Variants in NRG2 observed in about 807,000 individuals in gnomAD.
NRG2 encodes neuregulin 2, also known as pro-neuregulin-2, membrane-bound isoform.
Under a neutral mutation model 73.9 loss-of-function variants are expected in NRG2, and 27 were observed. That is an observed-to-expected ratio of 0.37 (90% CI 0.27 to 0.50). NRG2 has a LOEUF of 0.50. NRG2 is among the 20% of genes least tolerant of loss of function. NRG2 has a pLI of 0.96. For missense variants in NRG2, 1,126 were observed against 1,210.1 expected, an observed-to-expected ratio of 0.93 and a Z score of 1.03; for synonymous variants, 532 against 541.0, an observed-to-expected ratio of 0.98 and a Z score of 0.23.
chr5:140,007,005 T>G (rs1156930769), intron 1 of NRG2, among the ~76,000 whole-genome samples: 1 of 152,156 alleles, frequency 6.6e-6, no homozygotes, highest in African/African-American at 2.4e-5. Context: ...AGAATAGTGG[T>G]CCTTAACTGG....
chr5:139,853,300 G>A lies in NRG2; in HGVS notation c.1293-273C>T, dbSNP rs544425744. ...CGGGCAAGTTACTTAAGCTCTTCAC[G>A]TTTCACTTTCCTCATCTATAAGACA... On this transcript the variant is annotated intron_variant, in intron 6 of 9. Coordinates refer to ENST00000361474, the MANE Select transcript of NRG2 (RefSeq NM_004883.3). The surrounding 1 kb of genome is among the most constrained non-coding windows in gnomAD (Gnocchi z 4.1). Among the ~76,000 whole-genome samples, 5 of 152,222 alleles carry A rather than the reference G, an allele frequency of 3.3e-5. 1 individual carries two copies. Among genetic ancestry groups the A allele is most frequent in the South Asian group, 4.1e-4 (2 of 4,826 alleles).
intron 1 of NRG2, among the ~76,000 whole-genome samples, chr5:139,982,528 T>C (rs527780137): frequency 1.3e-5 from 2 of 152,318 alleles, no homozygotes; most frequent in East Asian, 3.9e-4. Flanking sequence ...CTCACATTGT[T>C]CATTAGTTAG....
At position 139,974,094 on chromosome 5, in the gene NRG2, T is replaced by C. The variant is rs143865038; in HGVS notation, c.700+68276A>G. Among the ~76,000 whole-genome samples, 5 of 152,304 alleles carry C rather than the reference T, an allele frequency of 3.3e-5. No homozygotes were observed. In the East Asian group the frequency reaches 9.6e-4, roughly 29 times the overall value. On this transcript the variant is annotated intron_variant, in intron 1 of 9. Transcript: ENST00000361474. ...AGCAAAACTAGGAGCCACTTACAAT[T>C]CCTACATACCCAGTCCTCCCTGGCC...
chr5:139,850,744 T>G (rs1761364519), intron 9 of NRG2, among the ~76,000 whole-genome samples: 1 of 152,184 alleles, frequency 6.6e-6, no homozygotes, highest in East Asian at 1.9e-4. Flanking sequence ...GTTTCCTGGT[T>G]CTTACTACAT....
chr5:139,880,128 A>G (rs917305908), intron 3 of NRG2, among the ~76,000 whole-genome samples: 1 of 152,082 alleles, frequency 6.6e-6, no homozygotes, highest in Non-Finnish European at 1.5e-5. Context: ...GAGGAGAGTG[A>G]TCTGTGGGAT....
intron 3 of NRG2, among the ~76,000 whole-genome samples, chr5:139,872,934 C>T (rs1762955321): frequency 6.6e-6 from 1 of 152,154 alleles, no homozygotes; most frequent in Admixed American, 6.5e-5. Flanking sequence ...CCACCCAGCC[C>T]AGCAGTGGCC....
intron 1 of NRG2, among the ~76,000 whole-genome samples, chr5:139,992,660 C>T (rs1757722967): frequency 6.6e-6 from 1 of 152,146 alleles, no homozygotes; most frequent in African/African-American, 2.4e-5. Context: ...AAACCTTTTT[C>T]ATAGCTAAAA....
At chr5:139,988,875 G>T (rs1254443530) in intron 1 of NRG2, among the ~76,000 whole-genome samples, 2 of 151,966 alleles carry the variant, frequency 1.3e-5, no homozygotes, top group Non-Finnish European at 2.9e-5. Flanking sequence ...GCCTGAACAT[G>T]TATGAGGGCA....
At position 139,865,937 on chromosome 5, in the gene NRG2, C is replaced by A. The variant is rs182336368; in HGVS notation, c.1113-312G>T. ...TCATTGAGACTTTCCTTCTTACCTG[C>A]CTGGTGCCCCATGAAGCAAGCACTG... On this transcript the variant is annotated intron_variant, in intron 4 of 9. Coordinates refer to ENST00000361474, the MANE Select transcript of NRG2 (RefSeq NM_004883.3). This position sits in a 1 kb window ranked among gnomAD's most constrained non-coding sequence, Gnocchi z 5.2. Among the ~76,000 whole-genome samples, 11 of 152,264 alleles carry A rather than the reference C, an allele frequency of 7.2e-5. No individual in the cohort carries two copies. The highest frequency in any genetic ancestry group is 1.2e-4 in the Non-Finnish European group (8 of 68,010).
intron 1 of NRG2, among the ~76,000 whole-genome samples, chr5:140,040,898 G>A (rs563475727): frequency 6.6e-6 from 1 of 152,100 alleles, no homozygotes; most frequent in African/African-American, 2.4e-5. Flanking sequence ...ATGTCAGAGC[G>A]ATAAACTGCT....
intron 1 of NRG2, among the ~76,000 whole-genome samples, chr5:139,906,483 A>G (rs2127184108): frequency 6.6e-6 from 1 of 152,180 alleles, no homozygotes; most frequent in East Asian, 1.9e-4. Flanking sequence ...CACTTACTCT[A>G]TCTCCTCTCA....
intron 1 of NRG2, among the ~76,000 whole-genome samples, chr5:140,024,550 CGGCCAG>C (rs1028256173): frequency 2.9e-4 from 44 of 152,226 alleles, no homozygotes; most frequent in Non-Finnish European, 3.1e-4. Flanking sequence ...CCACCGCCCC[CGGCCAG>C]AGTAAAGTGA....
intron 1 of NRG2, among the ~76,000 whole-genome samples, chr5:139,998,248 A>G (rs1156819541): frequency 6.6e-6 from 1 of 152,204 alleles, no homozygotes; most frequent in African/African-American, 2.4e-5. Flanking sequence ...CTACTCTGGA[A>G]AGATGAAAGA....
chr5:139,974,148 A>T, intron 1 of NRG2, among the ~76,000 whole-genome samples: 1 of 152,142 alleles, frequency 6.6e-6, no homozygotes, highest in East Asian at 1.9e-4. Context: ...AAAATGTTTC[A>T]TTCAGGTAAA....
chr5:139,886,017 T>G lies in NRG2; in HGVS notation c.872+1323A>C, dbSNP rs527757034. On this transcript the variant is annotated intron_variant, in intron 2 of 9. Coordinates refer to ENST00000361474, the MANE Select transcript of NRG2 (RefSeq NM_004883.3). ...GGGTGGTCTCGGAAGGTGGGCTGGG[T>G]GGGCAGCCAGAGCTTCTTGCCAATG... Among the ~76,000 whole-genome samples, 389 of 152,030 alleles carry G rather than the reference T, an allele frequency of 2.6e-3. 2 individuals carry two copies. Among genetic ancestry groups the G allele is most frequent in the Non-Finnish European group, 3.9e-3 (268 of 67,948 alleles).
chr5:139,877,853 T>G (rs1763279879), intron 3 of NRG2, among the ~76,000 whole-genome samples: 1 of 152,220 alleles, frequency 6.6e-6, no homozygotes, highest in South Asian at 2.1e-4. Flanking sequence ...GATGTAAAGC[T>G]TGGACGAGAC....
chr5:139,873,611 C>A (rs1157538564), intron 3 of NRG2, among the ~76,000 whole-genome samples: 1 of 152,250 alleles, frequency 6.6e-6, no homozygotes, highest in Non-Finnish European at 1.5e-5. Flanking sequence ...CAGACGAATG[C>A]AAGCGCAGTG....
chr5:140,030,621 A>G (rs1342567206), intron 1 of NRG2, among the ~76,000 whole-genome samples: 1 of 152,250 alleles, frequency 6.6e-6, no homozygotes, highest in Admixed American at 6.5e-5. Context: ...CAGATAATTT[A>G]CACAGTAAGA....
rs1366619970 is a variant in NRG2, at chr5:139,852,761, A to G, written c.1416+143T>C. On this transcript the variant is annotated intron_variant, in intron 7 of 9. Transcript: ENST00000361474. The surrounding 1 kb of genome is among the most constrained non-coding windows in gnomAD (Gnocchi z 4.4). Reference sequence around the variant, plus strand: ...TCATGGAAGTGAGCAAACCAAGGCCAGCCATCCTGGTGAGGCAGTGCCTAG... The same window carrying G: ...TCATGGAAGTGAGCAAACCAAGGCCGGCCATCCTGGTGAGGCAGTGCCTAG... The G allele has an allele frequency of 6.8e-7, 1 of 1,469,224 alleles. No individual in the cohort carries two copies. Among genetic ancestry groups the G allele is most frequent in the Non-Finnish European group, 9.2e-7 (1 of 1,082,406 alleles). 91.0% of individuals were successfully genotyped at this position (1,469,224 alleles called of 1,614,324 possible).
Sources: gnomAD v4.1 joint callset for allele counts (sites outside exome capture counted in the v4.1 genomes callset) on GRCh38, gnomAD v4.1.1 for gene constraint, Gnocchi (gnomAD v3.1) non-coding constraint, MANE v1.5 for transcripts, NCBI Gene and HGNC (gene_info 2026-07-23, HGNC 2026-07-21) for gene names.